The following TXNDC8 variants were observed in gnomAD, a reference collection of about 807,000 sequenced individuals.
TXNDC8 encodes the protein thioredoxin domain containing 8.
Under a neutral mutation model 12.9 loss-of-function variants are expected in TXNDC8, and 15 were observed. The observed-to-expected ratio is 1.16, with a 90% CI of 0.78 to 1.79. The LOEUF (loss-of-function observed/expected upper bound fraction) is 1.79, where lower values mean the gene tolerates loss of function less well. TXNDC8 is among the 40% of genes most tolerant of loss of function. The pLI, the probability that TXNDC8 is intolerant of heterozygous loss-of-function variation, is 0.00. For missense variants in TXNDC8, 128 were observed against 113.2 expected, an observed-to-expected ratio of 1.13 and a Z score of -0.59; for synonymous variants, 40 against 35.4, an observed-to-expected ratio of 1.13 and a Z score of -0.46.
intron 3 of TXNDC8, among the ~76,000 whole-genome samples, chr9:110,315,611 ATCT>A (rs1471680762): frequency 1.3e-5 from 2 of 151,960 alleles, no homozygotes; most frequent in African/African-American, 4.8e-5. Flanking sequence ...TTTGGTTTTG[ATCT>A]TCTTGCCTCA....
At chr9:110,311,948 G>A (rs751481850) in intron 3 of TXNDC8, among the ~76,000 whole-genome samples, 4 of 150,436 alleles carry the variant, frequency 2.7e-5, no homozygotes, top group Middle Eastern at 3.2e-3. Context: ...GAGGGCAGTG[G>A]CACTATCTCT....
At chr9:110,324,508 C>T (rs137908232) in intron 3 of TXNDC8, among the ~76,000 whole-genome samples, 3,787 of 152,100 alleles carry the variant, frequency 0.025, 106 homozygotes, top group Admixed American at 0.081. Context: ...ATGCATTTTG[C>T]TTTAAATTAT....
chr9:110,330,460 C>T (rs1291557241), intron 2 of TXNDC8, among the ~76,000 whole-genome samples: 1 of 152,232 alleles, frequency 6.6e-6, no homozygotes, highest in African/African-American at 2.4e-5. Context: ...CTGGCCTCAG[C>T]TTCCTTTTTG....
Position 110,311,538 on chromosome 9 carries a change from T to TGG in TXNDC8, c.196-7007_196-7006insCC, listed in dbSNP as rs1192751452. Among the ~76,000 whole-genome samples, 79 of 117,068 alleles carry TGG rather than the reference T, an allele frequency of 6.7e-4. 3 individuals are homozygous for TGG. The highest frequency in any genetic ancestry group is 3.2e-3 in the African/African-American group (73 of 22,602). The allele number at this position is 117,068 out of a possible 152,430, so 76.8% of individuals were successfully genotyped here. A position where few individuals can be genotyped will look rare whatever the true frequency, so the allele number is the denominator to read the frequency against. On this transcript the variant is annotated intron_variant, in intron 3 of 4. Coordinates refer to ENST00000423740, the MANE Select transcript of TXNDC8 (RefSeq NM_001286946.2). ...ATAAAGAGGTATATATATATATATA[T>TGG]ATATATATATATATATATATCTCCA...
chr9:110,326,881 A>C (rs948976737), intron 2 of TXNDC8, among the ~76,000 whole-genome samples: 3 of 151,102 alleles, frequency 2.0e-5, no homozygotes, highest in African/African-American at 7.3e-5. Context: ...AGAACAGGAC[A>C]TCTCTCTCTA....
At chr9:110,323,296 T>C (rs1218746887) in intron 3 of TXNDC8, 37 of 985,290 alleles carry the variant, frequency 3.8e-5, no homozygotes, top group Non-Finnish European at 4.5e-5. Context: ...ACGGATATAT[T>C]TGACTATAAC....
chr9:110,318,975 G>A (rs915502692), intron 3 of TXNDC8, among the ~76,000 whole-genome samples: 1 of 152,212 alleles, frequency 6.6e-6, no homozygotes, highest in Non-Finnish European at 1.5e-5. Context: ...AACTGTCAAA[G>A]CAGAGAGCAG....
chr9:110,314,374 T>A (rs1838796172), intron 3 of TXNDC8, among the ~76,000 whole-genome samples: 1 of 152,198 alleles, frequency 6.6e-6, no homozygotes, highest in South Asian at 2.1e-4. Flanking sequence ...CACAGGTGGA[T>A]GTCCTCAAAA....
intron 2 of TXNDC8, 125 bp downstream of exon 3, chr9:110,329,107 T>C (rs1368832311): frequency 1.3e-6 from 1 of 793,332 alleles, no homozygotes; most frequent in Admixed American, 2.8e-5. Context: ...CTGTAGTTAT[T>C]AGAAAAAATG....
rs745736638 is a variant in TXNDC8, at chr9:110,304,485, ACTT to A, written c.240_242del (p.Arg80del). ...CACTTACCAGGTTGCTCATGAATCC[ACTT>A]CTATAACAGCAAATTATTCTTTTGA... On this transcript the variant is annotated inframe_deletion, in exon 4 of 5. Transcript: ENST00000423740. The A allele has an allele frequency of 7.5e-6, 12 of 1,609,916 alleles. No homozygotes were observed. The African/African-American group carries it at 1.6e-4, about 22-fold the overall frequency.
intron 3 of TXNDC8, among the ~76,000 whole-genome samples, chr9:110,318,843 C>T (rs1838984972): frequency 6.6e-6 from 1 of 152,086 alleles, no homozygotes; most frequent in Admixed American, 6.5e-5. Flanking sequence ...GCAAAAAATA[C>T]ATGATGAACA....
intron 3 of TXNDC8, among the ~76,000 whole-genome samples, chr9:110,325,798 C>T (rs558806882): frequency 1.0e-3 from 155 of 152,286 alleles, no homozygotes; most frequent in African/African-American, 3.6e-3. Flanking sequence ...GGATTACAGG[C>T]GTGAGCCACC....
At position 110,303,626 on chromosome 9, in the gene TXNDC8, T is replaced by C. The variant is rs368733286; in HGVS notation, c.*56A>G. 11 of 1,580,512 alleles carry C rather than the reference T, an allele frequency of 7.0e-6. No homozygotes were observed. Among genetic ancestry groups the C allele is most frequent in the African/African-American group, 5.4e-5 (4 of 73,626 alleles). On this transcript the variant is annotated 3_prime_UTR_variant, in exon 5 of 5. Coordinates refer to ENST00000423740, the MANE Select transcript of TXNDC8 (RefSeq NM_001286946.2). ...AAGGTGAAACATTTATTGATTCAAG[T>C]GCTGCGAAAATGTTGAGGCTTTAAG... is the stretch of plus-strand genomic sequence containing the variant.
chr9:110,318,034 G>A (rs1290816654), intron 3 of TXNDC8, among the ~76,000 whole-genome samples: 1 of 152,182 alleles, frequency 6.6e-6, no homozygotes, highest in African/African-American at 2.4e-5. Flanking sequence ...GGGGTTCTGA[G>A]TTTCTATTGC....
chr9:110,304,504 A>G lies in TXNDC8; in HGVS notation c.224T>C (p.Ile75Thr). 6.2e-7 allele frequency: 1 copy of G among 1,610,250 alleles called. No individual in the cohort carries two copies. Among genetic ancestry groups the G allele is most frequent in the Non-Finnish European group, 8.5e-7 (1 of 1,177,636 alleles). The change falls in exon 4 of 5, where the codon ATA becomes ACA. Residue 75 changes from isoleucine to threonine, a missense_variant. Coordinates refer to ENST00000423740, the MANE Select transcript of TXNDC8 (RefSeq NM_001286946.2). ...GAATCCACTTCTATAACAGCAAATTATTCTTTTGATTCTTGAGAATAGGGT... is the reference window on the plus strand; with the variant it reads ...GAATCCACTTCTATAACAGCAAATTGTTCTTTTGATTCTTGAGAATAGGGT...
intron 3 of TXNDC8, among the ~76,000 whole-genome samples, chr9:110,305,686 C>A: frequency 7.0e-6 from 1 of 141,968 alleles, no homozygotes; most frequent in Non-Finnish European, 1.5e-5. Context: ...TACTCTCTTT[C>A]TTTCTCCTCT....
intron 3 of TXNDC8, among the ~76,000 whole-genome samples, chr9:110,314,763 A>G (rs1331940673): frequency 6.6e-6 from 1 of 152,146 alleles, no homozygotes; most frequent in South Asian, 2.1e-4. Context: ...TAACTGAGAC[A>G]TGTCTCAGAT....
chr9:110,302,454 A>G (rs1309090586), downstream of TXNDC8, among the ~76,000 whole-genome samples: 1 of 152,178 alleles, frequency 6.6e-6, no homozygotes, highest in Non-Finnish European at 1.5e-5. Context: ...AGAATTCTAA[A>G]AAAGCATATG....
At chr9:110,335,984 G>C (rs539247762) in intron 1 of TXNDC8, among the ~76,000 whole-genome samples, 1 of 152,240 alleles carries the variant, frequency 6.6e-6, no homozygotes, top group African/African-American at 2.4e-5. Context: ...TTATGGGGGT[G>C]GGTTTTTCCC....
Sources: gnomAD v4.1 joint callset for allele counts (sites outside exome capture counted in the v4.1 genomes callset) on GRCh38, gnomAD v4.1.1 for gene constraint, MANE v1.5 for transcripts, NCBI Gene and HGNC (gene_info 2026-07-23, HGNC 2026-07-21) for gene names.